Variants in IQCJ observed in about 807,000 individuals in gnomAD.
The protein encoded by IQCJ is IQ domain-containing protein J.
A neutral mutation model predicts 11.0 loss-of-function variants in IQCJ; 9 were observed. The observed-to-expected ratio is 0.82, with a 90% CI of 0.49 to 1.43. The LOEUF (loss-of-function observed/expected upper bound fraction) is 1.43. Among genes scored for constraint, IQCJ ranks in the 40% most tolerant of loss-of-function variants. IQCJ has a pLI of 0.00. For synonymous variants in IQCJ, 55 were observed against 51.3 expected (o/e 1.07, Z -0.31); for missense variants, 146 against 133.2 (o/e 1.10, Z -0.47).
chr3:159,071,226 C>T (rs1432013257), intron 1 of IQCJ, among the ~76,000 whole-genome samples: 1 of 151,848 alleles, frequency 6.6e-6, no homozygotes. Context: ...AGTAAAAATG[C>T]ATTTCAGTAT....
At chr3:159,078,169 T>C (rs1169946965) in intron 1 of IQCJ, among the ~76,000 whole-genome samples, 1 of 152,156 alleles carries the variant, frequency 6.6e-6, no homozygotes, top group Non-Finnish European at 1.5e-5. Flanking sequence ...ATTGAGTCAA[T>C]GACTTTTCCT....
rs1269854386 is a variant in IQCJ at position 159,262,905 on chromosome 3, A to G, written c.*174A>G. The G allele has an allele frequency of 5.1e-6, 7 of 1,381,640 alleles. No individual in the cohort carries two copies. The highest frequency in any genetic ancestry group is 1.4e-5 in the African/African-American group (1 of 69,222). 85.6% of individuals were successfully genotyped at this position (1,381,640 alleles called of 1,614,324 possible). A position where few individuals can be genotyped will look rare whatever the true frequency, so the allele number is the denominator to read the frequency against. On this transcript the variant is annotated 3_prime_UTR_variant, in exon 4 of 4. Coordinates refer to ENST00000397832, the MANE Select transcript of IQCJ (RefSeq NM_001042706.3). ...GTGAACTTTATCAAGTCTGGAGAAA[A>G]TAGATTGCATTTATGTGTTCTCATT...
chr3:159,217,474 T>C (rs1245190148), intron 1 of IQCJ, among the ~76,000 whole-genome samples: 1 of 152,164 alleles, frequency 6.6e-6, no homozygotes, highest in Non-Finnish European at 1.5e-5. Flanking sequence ...CATATAAGAA[T>C]CAGGAATGTT....
chr3:159,126,387 CTG>C (rs1461094164), intron 1 of IQCJ, among the ~76,000 whole-genome samples: 1 of 152,218 alleles, frequency 6.6e-6, no homozygotes, highest in Non-Finnish European at 1.5e-5. Context: ...AGAGTTAGTT[CTG>C]TGTGTCTCCT....
At chr3:159,160,838 C>T (rs1265305352) in intron 1 of IQCJ, among the ~76,000 whole-genome samples, 1 of 152,010 alleles carries the variant, frequency 6.6e-6, no homozygotes, top group Non-Finnish European at 1.5e-5. Flanking sequence ...CAATTTCATC[C>T]GTGTCCCTAC....
rs776900677 is a variant in IQCJ at position 159,177,948 on chromosome 3, T to C, written c.10-67895T>C. Among the ~76,000 whole-genome samples, 12 of 152,188 alleles carry C rather than the reference T, an allele frequency of 7.9e-5. 1 individual carries two copies. The highest frequency in any genetic ancestry group is 4.1e-4 in the South Asian group (2 of 4,826). ...GTGCCTACCCTGTGTCAGGGATAGA[T>C]AGTGAATAAGACACAGCTGGCTGCT... On this transcript the variant is annotated intron_variant, in intron 1 of 3. Coordinates refer to ENST00000397832, the MANE Select transcript of IQCJ (RefSeq NM_001042706.3).
At chr3:159,191,600 T>C (rs1577070476) in intron 1 of IQCJ, among the ~76,000 whole-genome samples, 1 of 152,220 alleles carries the variant, frequency 6.6e-6, no homozygotes, top group East Asian at 1.9e-4. Context: ...TTAGAGTGAG[T>C]TCATGCAGAG....
At chr3:159,107,507 G>A (rs1378628147) in intron 1 of IQCJ, among the ~76,000 whole-genome samples, 1 of 152,184 alleles carries the variant, frequency 6.6e-6, no homozygotes, top group Admixed American at 6.5e-5. Flanking sequence ...TGCTTAAGGG[G>A]CTTAAAGCCT....
intron 1 of IQCJ, among the ~76,000 whole-genome samples, chr3:159,093,608 G>A (rs1368847552): frequency 3.3e-5 from 5 of 151,698 alleles, no homozygotes; most frequent in South Asian, 4.2e-4. Context: ...TGGGAAAGCC[G>A]GTGTATTAGT....
chr3:159,109,290 A>G (rs1032135673), intron 1 of IQCJ, among the ~76,000 whole-genome samples: 3 of 152,164 alleles, frequency 2.0e-5, no homozygotes, highest in African/African-American at 7.2e-5. Flanking sequence ...GAATATGTAA[A>G]TCCACCTTTC....
rs1446880068 is a variant in IQCJ, at chr3:159,112,172, AG to A, written c.9+42732del. On this transcript the variant is annotated intron_variant, in intron 1 of 3. Coordinates refer to ENST00000397832, the MANE Select transcript of IQCJ (RefSeq NM_001042706.3). ...TCATTCTGCCACATGCTTGTGAGCA[AG>A]TCTCTGGCTGATATGACCAAGTAAG... 5.3e-5 allele frequency among the ~76,000 whole-genome samples: 8 copies of A among 152,248 alleles called. No individual in the cohort carries two copies. The South Asian group carries it at 1.7e-3, about 32-fold the overall frequency.
At chr3:159,087,170 G>A (rs1263134207) in intron 1 of IQCJ, among the ~76,000 whole-genome samples, 1 of 152,188 alleles carries the variant, frequency 6.6e-6, no homozygotes, top group Non-Finnish European at 1.5e-5. Context: ...CATCTATTGA[G>A]ATAATCGTGT....
At chr3:159,135,261 G>T (rs920551572) in intron 1 of IQCJ, among the ~76,000 whole-genome samples, 2 of 152,092 alleles carry the variant, frequency 1.3e-5, no homozygotes, top group South Asian at 2.1e-4. Flanking sequence ...TCTGGGTAAG[G>T]CTTTTCTATG....
chr3:159,111,948 GTTTT>G lies in IQCJ; in HGVS notation c.9+42513_9+42516del, dbSNP rs534189854. On this transcript the variant is annotated intron_variant, in intron 1 of 3. Transcript: ENST00000397832. ...GATGTAATGTGACATTGTGTCTTGG[GTTTT>G]TTTTTCCCCGCAATTGTCTGAAAGC... Among the ~76,000 whole-genome samples, 78 of 151,122 alleles carry G rather than the reference GTTTT, an allele frequency of 5.2e-4. No homozygotes were observed. In the East Asian group the frequency reaches 0.012, roughly 23 times the overall value.
intron 2 of IQCJ, among the ~76,000 whole-genome samples, chr3:159,252,469 G>T (rs1727657891): frequency 6.6e-6 from 1 of 152,044 alleles, no homozygotes; most frequent in South Asian, 2.1e-4. Context: ...TTCTCTTAAA[G>T]GAAATGATTT....
At chr3:159,203,232 T>C (rs894897742) in intron 1 of IQCJ, among the ~76,000 whole-genome samples, 6 of 147,056 alleles carry the variant, frequency 4.1e-5, no homozygotes, top group Admixed American at 2.8e-4. Flanking sequence ...TGGAGTTGTT[T>C]ACTGAAGGGA....
intron 2 of IQCJ, among the ~76,000 whole-genome samples, chr3:159,248,536 G>A (rs534285749): frequency 6.6e-6 from 1 of 152,162 alleles, no homozygotes; most frequent in Non-Finnish European, 1.5e-5. Context: ...AATGACATTA[G>A]GTCTAGATCA....
rs142380428 is a variant in IQCJ, at chr3:159,184,231, A to G, written c.10-61612A>G. On this transcript the variant is annotated intron_variant, in intron 1 of 3. Coordinates refer to ENST00000397832, the MANE Select transcript of IQCJ (RefSeq NM_001042706.3). The stretch of plus-strand genomic sequence containing the variant: ...TCTTTATATTACTAAAATAAGATAC[A>G]CTTGTTTCTACCTTGGGCCTTTAAA... Among the ~76,000 whole-genome samples, 688 of 152,110 alleles carry G rather than the reference A, an allele frequency of 4.5e-3. 5 individuals are homozygous for G. Among genetic ancestry groups the G allele is most frequent in the African/African-American group, 0.013 (527 of 41,494 alleles).
chr3:159,082,415 G>A (rs191969510), intron 1 of IQCJ, among the ~76,000 whole-genome samples: 2 of 151,826 alleles, frequency 1.3e-5, no homozygotes. Context: ...CATAAGGAGA[G>A]TTTCATGGGA....
Sources: allele counts gnomAD v4.1 joint callset (sites outside exome capture counted in the v4.1 genomes callset), GRCh38; gene constraint gnomAD v4.1.1; transcripts MANE v1.5; gene names NCBI Gene and HGNC (gene_info 2026-07-23, HGNC 2026-07-21).